Variants in EDA observed in about 807,000 individuals in gnomAD.
The protein encoded by EDA is ectodysplasin A.
Under a neutral mutation model 23.6 loss-of-function variants are expected in EDA, and 2 were observed. The observed-to-expected ratio is 0.08, with a 90% CI of 0.03 to 0.27. The LOEUF is 0.27. EDA is among the 10% of genes least tolerant of loss of function. The pLI is 1.00. For synonymous variants in EDA, 131 were observed against 132.0 expected, an observed-to-expected ratio of 0.99 and a Z score of 0.05; for missense variants, 229 against 324.2, an observed-to-expected ratio of 0.71 and a Z score of 2.26.
chrX:69,828,521 C>A (rs970294615), intron 1 of EDA, among the ~76,000 whole-genome samples: 1 of 112,051 alleles, frequency 8.9e-6, no homozygotes, highest in Admixed American at 9.4e-5. Flanking sequence ...TGACCCCTTG[C>A]ACTTCCCAAG....
intron 1 of EDA, among the ~76,000 whole-genome samples, chrX:69,871,515 GCT>G (rs1417955941): frequency 4.5e-5 from 5 of 111,450 alleles, no homozygotes; most frequent in African/African-American, 1.6e-4. Context: ...AGACTAGGAG[GCT>G]AGGCCCGTCT....
intron 1 of EDA, among the ~76,000 whole-genome samples, chrX:69,751,171 GT>G (rs1352438619): frequency 3.4e-4 from 33 of 98,129 alleles, no homozygotes; most frequent in African/African-American, 9.9e-4. Context: ...TAACATTTAA[GT>G]CTTTAATCCG....
At chrX:69,900,173 A>C (rs905116923) in intron 1 of EDA, among the ~76,000 whole-genome samples, 4 of 110,054 alleles carry the variant, frequency 3.6e-5, no homozygotes, top group Non-Finnish European at 7.6e-5. Context: ...TAATCAGCAT[A>C]TTGCATAGCA....
intron 1 of EDA, among the ~76,000 whole-genome samples, chrX:69,894,087 A>G (rs1034176250): frequency 8.9e-6 from 1 of 111,846 alleles, no homozygotes; most frequent in Admixed American, 9.5e-5. Flanking sequence ...ATTTTTGTAT[A>G]TGGTATAAGA....
chrX:69,675,543 A>T (rs1017427178), intron 1 of EDA, among the ~76,000 whole-genome samples: 1 of 110,794 alleles, frequency 9.0e-6, no homozygotes, highest in African/African-American at 3.3e-5. Flanking sequence ...CTATTCCATT[A>T]GTTGCCCTGC....
chrX:69,634,945 TTG>T (rs1242459342), intron 1 of EDA, among the ~76,000 whole-genome samples: 1 of 112,275 alleles, frequency 8.9e-6, no homozygotes, highest in Non-Finnish European at 1.9e-5. Context: ...ATATTTACTA[TTG>T]TGTTACAATT....
chrX:69,717,520 G>GTTT (rs371792367), intron 1 of EDA, among the ~76,000 whole-genome samples: 5 of 86,503 alleles, frequency 5.8e-5, no homozygotes, highest in South Asian at 5.8e-4. Flanking sequence ...ATGTCAAATT[G>GTTT]TTTTTTTTTT....
chrX:69,890,940 C>T (rs756116864), intron 1 of EDA, among the ~76,000 whole-genome samples: 11 of 111,284 alleles, frequency 9.9e-5, no homozygotes, highest in African/African-American at 2.6e-4. Context: ...AAACTATCAG[C>T]GGAGTAAACA....
chrX:69,712,713 A>G (rs1050903564), intron 1 of EDA, among the ~76,000 whole-genome samples: 1 of 111,564 alleles, frequency 9.0e-6, no homozygotes, highest in East Asian at 2.8e-4. Flanking sequence ...ATTACTGGGT[A>G]TATACCCAAA....
At chrX:69,655,304 G>T (rs1390651600) in intron 1 of EDA, among the ~76,000 whole-genome samples, 1 of 111,115 alleles carries the variant, frequency 9.0e-6, no homozygotes, top group Non-Finnish European at 1.9e-5. Flanking sequence ...TGAGGCAGGA[G>T]AATTGCTTGA....
At chrX:69,825,960 A>C (rs2016418185) in intron 1 of EDA, among the ~76,000 whole-genome samples, 1 of 106,372 alleles carries the variant, frequency 9.4e-6, no homozygotes, top group Admixed American at 1.0e-4. Flanking sequence ...TTATGTACCC[A>C]GTAGTCATTC....
In EDA at chrX:70,035,321, T is replaced by C. The variant is rs759490997; in HGVS notation, c.925-37T>C. 9 of 1,198,661 alleles carry C rather than the reference T, an allele frequency of 7.5e-6. No individual in the cohort carries two copies. In the South Asian group the frequency reaches 1.4e-4, roughly 19 times the overall value. ...GGAGGGCCCCCCACCCTCTCTTTCC[T>C]CTCTTCCCCAATCCCTTCTTGTTGC... On this transcript the variant is annotated intron_variant, in intron 7 of 7. Coordinates refer to ENST00000374552, the MANE Select transcript of EDA (RefSeq NM_001399.5).
At chrX:69,674,472 T>A (rs1206202311) in intron 1 of EDA, among the ~76,000 whole-genome samples, 1 of 112,480 alleles carries the variant, frequency 8.9e-6, no homozygotes, top group South Asian at 3.7e-4. Flanking sequence ...CTACTTTTTG[T>A]AGTTGGACAT....
At chrX:70,000,392 T>C (rs2019724353) in intron 2 of EDA, among the ~76,000 whole-genome samples, 1 of 112,612 alleles carries the variant, frequency 8.9e-6, no homozygotes, top group Non-Finnish European at 1.9e-5. Context: ...TATTATCTGT[T>C]TGTAGTACAA....
At chrX:69,873,341 G>A (rs1177306607) in intron 1 of EDA, among the ~76,000 whole-genome samples, 1 of 111,300 alleles carries the variant, frequency 9.0e-6, no homozygotes, top group African/African-American at 3.3e-5. Context: ...CACAGAACTG[G>A]AGAAACAAGA....
At chrX:69,937,861 C>T in intron 1 of EDA, 4 of 1,197,855 alleles carry the variant, frequency 3.3e-6, no homozygotes, top group Non-Finnish European at 4.5e-6. Flanking sequence ...CTCCTGAATC[C>T]TCCAGTGGGT....
intron 1 of EDA, among the ~76,000 whole-genome samples, chrX:69,677,032 T>A (rs1307122267): frequency 1.1e-5 from 1 of 89,965 alleles, no homozygotes; most frequent in African/African-American, 4.1e-5. Flanking sequence ...CCTGTGTCCA[T>A]GTGTTCTCAT....
rs760760803 is a variant in EDA at position 69,640,698 on chromosome X, G to A, written c.396+23994G>A. On this transcript the variant is annotated intron_variant, in intron 1 of 7. Coordinates refer to ENST00000374552, the MANE Select transcript of EDA (RefSeq NM_001399.5). ...AAATGAGGGTTTAGGGTGAAGTGGG[G>A]TAAGGAGAGCAGATATTTAGGCATT... 1.7e-4 allele frequency among the ~76,000 whole-genome samples: 19 copies of A among 110,870 alleles called. No individual in the cohort carries two copies. In the South Asian group the frequency reaches 7.5e-3, roughly 44 times the overall value.
At position 69,675,544 on chromosome X, in the gene EDA, G is replaced by T. The variant is rs181018850; in HGVS notation, c.396+58840G>T. ...CTCTTTTGCTCCACCTATTCCATTA[G>T]TTGCCCTGCTATATGAATTCACTGT... On this transcript the variant is annotated intron_variant, in intron 1 of 7. Coordinates refer to ENST00000374552, the MANE Select transcript of EDA (RefSeq NM_001399.5). Among the ~76,000 whole-genome samples, 6 of 110,342 alleles carry T rather than the reference G, an allele frequency of 5.4e-5. No homozygotes were observed. In the East Asian group the frequency reaches 1.8e-3, roughly 32 times the overall value.
Sources: gnomAD v4.1 joint callset for allele counts (sites outside exome capture counted in the v4.1 genomes callset) on GRCh38, gnomAD v4.1.1 for gene constraint, MANE v1.5 for transcripts, NCBI Gene and HGNC (gene_info 2026-07-23, HGNC 2026-07-21) for gene names.